ZNF814: variants seen among roughly 807,000 people sequenced by gnomAD.
ZNF814 encodes zinc finger protein 814.
A neutral mutation model predicts 7.5 loss-of-function variants in ZNF814; 5 were observed. That is an observed-to-expected ratio of 0.67 (90% CI 0.35 to 1.40). The LOEUF (loss-of-function observed/expected upper bound fraction) is 1.40, where lower values mean the gene tolerates loss of function less well. Among genes scored for constraint, ZNF814 ranks in the 40% most tolerant of loss-of-function variants. The pLI is 0.04. For missense variants in ZNF814, 962 were observed against 1,018.0 expected, an observed-to-expected ratio of 0.94 and a Z score of 0.75; for synonymous variants, 315 against 340.7, an observed-to-expected ratio of 0.92 and a Z score of 0.83.
At chr19:57,893,687 G>A (rs2122483716), upstream of ZNF814, among the ~76,000 whole-genome samples, 1 of 152,116 alleles carries the variant, frequency 6.6e-6, no homozygotes, top group South Asian at 2.1e-4. Flanking sequence ...GGGAGGCCGA[G>A]GTGGGCAGAT....
At chr19:57,885,048 G>A (rs549701576) in intron 1 of ZNF814, among the ~76,000 whole-genome samples, 3 of 152,266 alleles carry the variant, frequency 2.0e-5, no homozygotes, top group South Asian at 4.1e-4. Context: ...TAGGCCGGAC[G>A]CAGTGGCTCA....
intron 1 of ZNF814, among the ~76,000 whole-genome samples, chr19:57,887,049 T>G (rs2071699539): frequency 6.7e-6 from 1 of 148,944 alleles, no homozygotes; most frequent in African/African-American, 2.5e-5. Flanking sequence ...ATTAGCCGGG[T>G]GTGGTGGCGC....
At chr19:57,890,943 CT>C (rs2071731351), upstream of ZNF814, among the ~76,000 whole-genome samples, 1 of 152,166 alleles carries the variant, frequency 6.6e-6, no homozygotes, top group Admixed American at 6.6e-5. Context: ...TAAAATGAGG[CT>C]GAGCTGCATT....
chr19:57,886,235 G>T (rs1249117226), intron 1 of ZNF814, among the ~76,000 whole-genome samples: 1 of 152,044 alleles, frequency 6.6e-6, no homozygotes, highest in African/African-American at 2.4e-5. Flanking sequence ...ACAGGAATGT[G>T]TCCCTGATAG....
intron 1 of ZNF814, among the ~76,000 whole-genome samples, chr19:57,885,088 G>C (rs1600140048): frequency 6.6e-6 from 1 of 152,206 alleles, no homozygotes; most frequent in African/African-American, 2.4e-5. Flanking sequence ...TTGGGAGGAC[G>C]AGGCCGGTGG....
At chr19:57,889,137 G>C (rs1156453748), upstream of ZNF814, 10 of 424,864 alleles carry the variant, frequency 2.4e-5, no homozygotes, top group Admixed American at 1.9e-4. Flanking sequence ...GCTATCATTC[G>C]AGGCTGAGTT....
At chr19:57,898,581 T>C in the ZNF814 span, among the ~76,000 whole-genome samples, 1 of 152,168 alleles carries the variant, frequency 6.6e-6, no homozygotes, top group African/African-American at 2.4e-5. Flanking sequence ...AAAGAATTAG[T>C]ACAGGAACAA....
chr19:57,898,308 T>C, the ZNF814 span, among the ~76,000 whole-genome samples: 2 of 152,234 alleles, frequency 1.3e-5, no homozygotes, highest in African/African-American at 4.8e-5. Context: ...GAAATATCTA[T>C]TCCTATGGAT....
chr19:57,884,672 G>A (rs1289192162), intron 1 of ZNF814, among the ~76,000 whole-genome samples: 1 of 152,080 alleles, frequency 6.6e-6, no homozygotes, highest in Admixed American at 6.6e-5. Flanking sequence ...ATAGGAAAAG[G>A]TGCTCAACAT....
Position 57,873,086 on chromosome 19 carries a change from TC to T in ZNF814, c.2303del (p.Gly768GlufsTer145), listed in dbSNP as rs2071570436. The T allele has an allele frequency of 1.8e-5, 29 of 1,613,588 alleles. No homozygotes were observed. The East Asian group carries it at 6.5e-4, about 36-fold the overall frequency. Reference sequence around the variant, plus strand: ...ATTCACTGCACTCATAAGGCTTTTCTCCAGTGTGAATTCGCTTATGAACACA... The same window carrying T: ...ATTCACTGCACTCATAAGGCTTTTCTCAGTGTGAATTCGCTTATGAACACA... ...TFCVHKRIHT[G>X]EKPYECSECG... On this transcript the variant is annotated frameshift_variant, in exon 3 of 3. Transcript: ENST00000435989. LOFTEE classifies it low-confidence loss of function (END_TRUNC).
In ZNF814 at chr19:57,874,113, T is replaced by C. The variant is rs907033717; in HGVS notation, c.1277A>G (p.His426Arg). ...SFSQKSSLIQ[H>R]QRFHTGEKPY... ...TTTTTCTCCAGTGTGAAATCGCTGATGTTGAATGAGGCTGCTCTTTTGACT... is the reference window on the plus strand; with the variant it reads ...TTTTTCTCCAGTGTGAAATCGCTGACGTTGAATGAGGCTGCTCTTTTGACT... Residue 426 changes from histidine (H) to arginine (R), a missense_variant, in exon 3 of 3, where the codon CAT (histidine) becomes CGT (arginine). His to Arg is a conservative substitution (Grantham distance 29). This residue lies in a region of ZNF814 where 665 missense variants were observed against 551.4 expected (regional missense o/e 1.21). Transcript: ENST00000435989. 3.1e-6 allele frequency: 5 copies of C among 1,600,540 alleles called. No individual in the cohort carries two copies. Among genetic ancestry groups the C allele is most frequent in the Admixed American group, 1.8e-5 (1 of 57,108 alleles).
chr19:57,897,014 G>A, the ZNF814 span, among the ~76,000 whole-genome samples: 1 of 152,108 alleles, frequency 6.6e-6, no homozygotes, highest in African/African-American at 2.4e-5. Flanking sequence ...GTGTGCTTAC[G>A]GGCATGTGAC....
chr19:57,875,527 T>C (rs1048641094), intron 2 of ZNF814, among the ~76,000 whole-genome samples: 4 of 152,206 alleles, frequency 2.6e-5, no homozygotes, highest in African/African-American at 9.6e-5. Context: ...TCATGACATG[T>C]GAGTGCTGTA....
At chr19:57,894,083 G>GA in the ZNF814 span, among the ~76,000 whole-genome samples, 130 of 131,232 alleles carry the variant, frequency 9.9e-4, no homozygotes, top group African/African-American at 1.3e-3. Flanking sequence ...ACTCTGTCTC[G>GA]AAAAAAAAAA....
At chr19:57,901,050 G>GTGTTAGCCACGA in the ZNF814 span, among the ~76,000 whole-genome samples, 1 of 150,962 alleles carries the variant, frequency 6.6e-6, no homozygotes, top group Non-Finnish European at 1.5e-5. Flanking sequence ...GGGTTTCACC[G>GTGTTAGCCACGA]TGGTCTTGAT....
chr19:57,875,694 G>A (rs1029297741), intron 2 of ZNF814, among the ~76,000 whole-genome samples: 2 of 152,086 alleles, frequency 1.3e-5, no homozygotes, highest in African/African-American at 4.8e-5. Context: ...TGAGATCTGG[G>A]GCCCAGAGAT....
At chr19:57,904,773 G>T in the ZNF814 span, among the ~76,000 whole-genome samples, 1 of 152,148 alleles carries the variant, frequency 6.6e-6, no homozygotes, top group Non-Finnish European at 1.5e-5. Context: ...AGGCATCGCC[G>T]GGAGTGGTGG....
Position 57,887,403 on chromosome 19 carries a change from C to T in ZNF814, c.36+1364G>A, listed in dbSNP as rs147800328. Among the ~76,000 whole-genome samples the T allele has an allele frequency of 9.9e-4, 151 of 152,284 alleles. 3 individuals carry two copies. The highest frequency in any genetic ancestry group is 7.8e-3 in the Admixed American group (119 of 15,288). ...GCAGGCCAATTGCCCACCAACTGGC[C>T]CAGACCAAGATGCCTTTTGTCTTCC... On this transcript the variant is annotated intron_variant, in intron 1 of 2. Coordinates refer to ENST00000435989, the MANE Select transcript of ZNF814 (RefSeq NM_001144989.2).
upstream of ZNF814, chr19:57,889,176 A>AAGG (rs1188223985): frequency 2.5e-6 from 1 of 400,804 alleles, no homozygotes; most frequent in Non-Finnish European, 4.4e-6. Context: ...CCTAGGCAAC[A>AAGG]AGGAGGGTAA....
Sources: gnomAD v4.1 joint callset for allele counts (sites outside exome capture counted in the v4.1 genomes callset) on GRCh38, gnomAD v4.1.1 for gene constraint, gnomAD v4.1.1 regional missense constraint, MANE v1.5 for transcripts, NCBI Gene and HGNC (gene_info 2026-07-23, HGNC 2026-07-21) for gene names.